The following CHODL variants were observed in gnomAD, a reference collection of about 807,000 sequenced individuals.
CHODL encodes the protein transmembrane protein MT75.
A neutral mutation model predicts 34.5 loss-of-function variants in CHODL; 29 were observed. That is an observed-to-expected ratio of 0.84 (90% CI 0.63 to 1.15). The LOEUF is 1.15. Among genes scored for constraint, CHODL ranks in the 50% most tolerant of loss-of-function variants. The probability of loss-of-function intolerance (pLI) is 0.00; values close to 1 mark genes in which losing one functional copy is unlikely to be tolerated. For missense variants in CHODL, 332 were observed against 332.5 expected, an observed-to-expected ratio of 1.00 and a Z score of 0.01; for synonymous variants, 125 against 116.1, an observed-to-expected ratio of 1.08 and a Z score of -0.49.
At chr21:18,246,173 TA>T (rs1251893571) in intron 1 of CHODL, among the ~76,000 whole-genome samples, 8 of 152,210 alleles carry the variant, frequency 5.3e-5, no homozygotes, top group African/African-American at 1.7e-4. Flanking sequence ...TGAATGTGCT[TA>T]GGGCCTTACA....
chr21:18,125,775 C>G (rs1601036358), intron 2 of CHODL, among the ~76,000 whole-genome samples: 1 of 151,978 alleles, frequency 6.6e-6, no homozygotes, highest in Admixed American at 6.6e-5. Flanking sequence ...AACCTGAAAA[C>G]TTTTGTATGG....
At chr21:17,923,623 A>G (rs954135084) in intron 1 of CHODL, among the ~76,000 whole-genome samples, 6 of 151,958 alleles carry the variant, frequency 3.9e-5, no homozygotes, top group African/African-American at 1.4e-4. Flanking sequence ...CACTATGTCC[A>G]GCTAATTTTT....
chr21:18,151,036 T>C (rs1296225472), intron 2 of CHODL, among the ~76,000 whole-genome samples: 1 of 141,928 alleles, frequency 7.0e-6, no homozygotes, highest in East Asian at 2.1e-4. Context: ...TGAGCCGAGA[T>C]CGCACCACTG....
chr21:18,246,457 C>A (rs537771407), intron 1 of CHODL, among the ~76,000 whole-genome samples: 8 of 152,236 alleles, frequency 5.3e-5, no homozygotes, highest in Admixed American at 1.3e-4. Context: ...TTCCCCTTAG[C>A]AATTTGTGAT....
intron 1 of CHODL, among the ~76,000 whole-genome samples, chr21:17,973,417 C>CTTTCT (rs2063633413): frequency 5.7e-5 from 7 of 123,468 alleles, no homozygotes; most frequent in African/African-American, 2.2e-4. Context: ...TTCTTTCTTT[C>CTTTCT]TTTTTTTTTT....
chr21:18,119,074 T>C (rs1172053185), intron 2 of CHODL, among the ~76,000 whole-genome samples: 1 of 152,160 alleles, frequency 6.6e-6, no homozygotes, highest in African/African-American at 2.4e-5. Context: ...AAAGAAGCTT[T>C]AGTGAGGTGT....
At chr21:18,260,318 A>G in intron 4 of CHODL, 32 bp downstream of exon 4, 2 of 1,345,922 alleles carry the variant, frequency 1.5e-6, no homozygotes, top group Non-Finnish European at 2.1e-6. Flanking sequence ...AACTTCATCA[A>G]GAACTGAACT....
chr21:18,168,579 G>T (rs923739026), intron 2 of CHODL, among the ~76,000 whole-genome samples: 1 of 152,128 alleles, frequency 6.6e-6, no homozygotes, highest in Non-Finnish European at 1.5e-5. Context: ...CTTCTATGGA[G>T]AAATATCTAT....
intron 2 of CHODL, among the ~76,000 whole-genome samples, chr21:18,028,277 C>CCCTTCCTT (rs1555853374): frequency 0.029 from 2,850 of 98,738 alleles, 80 homozygotes; most frequent in East Asian, 0.046. Context: ...TTTCCTTTTC[C>CCCTTCCTT]CCTTCCTTCC....
chr21:18,022,199 G>C (rs1407160620), intron 1 of CHODL, among the ~76,000 whole-genome samples: 1 of 152,096 alleles, frequency 6.6e-6, no homozygotes, highest in Non-Finnish European at 1.5e-5. Flanking sequence ...GTGTCAGCTG[G>C]GTTGTGCTTT....
intron 2 of CHODL, among the ~76,000 whole-genome samples, chr21:18,196,086 CA>C (rs1272578585): frequency 6.6e-6 from 1 of 152,182 alleles, no homozygotes; most frequent in African/African-American, 2.4e-5. Context: ...TCCAGCTCTA[CA>C]TATGTACATT....
chr21:17,968,677 C>A (rs1262387117), intron 1 of CHODL, among the ~76,000 whole-genome samples: 1 of 152,208 alleles, frequency 6.6e-6, no homozygotes, highest in African/African-American at 2.4e-5. Flanking sequence ...CAGTGACAAT[C>A]ACATGGTGGA....
In CHODL at chr21:17,977,918, CA is replaced by C. The variant is rs57837589; in HGVS notation, c.-144-49938del. On this transcript the variant is annotated intron_variant, in intron 1 of 6. Coordinates refer to the CHODL transcript ENST00000400127. ...TGGCAACAGAGCAACACTCCCATCT[CA>C]AAAAAAAAAAAAAAAGAAAAAGATA... 8.7e-4 allele frequency among the ~76,000 whole-genome samples: 60 copies of C among 68,996 alleles called. 1 individual carries two copies. The highest frequency in any genetic ancestry group is 1.3e-3 in the East Asian group (3 of 2,226). 45.3% of individuals were successfully genotyped at this position (68,996 alleles called of 152,430 possible). A position where few individuals can be genotyped will look rare whatever the true frequency, so the allele number is the denominator to read the frequency against.
intron 2 of CHODL, among the ~76,000 whole-genome samples, chr21:18,117,089 A>G (rs550519912): frequency 6.6e-6 from 1 of 152,334 alleles, no homozygotes; most frequent in Non-Finnish European, 1.5e-5. Context: ...TTCCACTATC[A>G]ATAGCAAAGC....
chr21:17,939,531 CAAT>C (rs1424743496), intron 1 of CHODL, among the ~76,000 whole-genome samples: 1 of 152,086 alleles, frequency 6.6e-6, no homozygotes, highest in Admixed American at 6.6e-5. Context: ...AATAATTAAA[CAAT>C]AAATATAAAT....
At chr21:17,929,816 AGGAGGGAGTGG>A (rs149133865) in intron 1 of CHODL, among the ~76,000 whole-genome samples, 48,345 of 151,662 alleles carry the variant, frequency 0.32, 9,008 homozygotes, top group South Asian at 0.48. Context: ...TTGCAGTGCC[AGGAGGGAGTGG>A]GGAGGGAGTG....
chr21:17,919,234 T>G lies in CHODL; in HGVS notation c.-145+1834T>G, dbSNP rs143794231. On this transcript the variant is annotated intron_variant, in intron 1 of 6. Transcript: ENST00000400127. ...TGGTGCCCCCATAGGGACTCTGTGT[T>G]GGAGCTCTGACCCCACATTTCCCTT... Among the ~76,000 whole-genome samples, 1,214 of 152,332 alleles carry G rather than the reference T, an allele frequency of 8.0e-3. 18 individuals are homozygous for G. Among genetic ancestry groups the G allele is most frequent in the African/African-American group, 0.027 (1,119 of 41,570 alleles).
intron 2 of CHODL, among the ~76,000 whole-genome samples, chr21:18,147,092 A>C (rs771910233): frequency 2.0e-5 from 3 of 152,190 alleles, no homozygotes; most frequent in Non-Finnish European, 4.4e-5. Context: ...AATATTTTTT[A>C]AATGTGCTAC....
rs368931674 is a variant in CHODL, at chr21:18,212,639, T to A, written c.-44-43870T>A. ...TTTATCTACATTATAGTTTAAAAAG[T>A]AAATTATAAAAAATTAACTGGGACA... On this transcript the variant is annotated intron_variant, in intron 2 of 6. Coordinates refer to the CHODL transcript ENST00000400127. Among the ~76,000 whole-genome samples the A allele has an allele frequency of 2.7e-4, 41 of 152,186 alleles. No homozygotes were observed. The East Asian group carries it at 3.5e-3, about 13-fold the overall frequency.
Sources: allele counts gnomAD v4.1 joint callset (sites outside exome capture counted in the v4.1 genomes callset), GRCh38; gene constraint gnomAD v4.1.1; transcripts MANE v1.5; gene names NCBI Gene and HGNC (gene_info 2026-07-23, HGNC 2026-07-21).